The following GLP2R variants were observed in gnomAD, a reference collection of about 807,000 sequenced individuals.
GLP2R encodes glucagon-like peptide 2 receptor.
GLP2R carries 59 observed loss-of-function variants against 68.2 expected under a neutral mutation model. The ratio of observed to expected loss-of-function variants is 0.87; its 90% CI spans 0.70 to 1.07. The LOEUF is 1.07. Ranked by LOEUF, GLP2R falls within the 50% of genes least tolerant of loss-of-function variation. The pLI is 0.00. For missense variants in GLP2R, 548 were observed against 677.4 expected (o/e 0.81, Z 2.12); for synonymous variants, 270 against 265.4 (o/e 1.02, Z -0.17).
In GLP2R at chr17:9,842,529, T is replaced by C. The variant is rs1021750658; in HGVS notation, c.417T>C (p.Ala139=). ...GAAGGGCCTACAGACACTGCTTGGC[T>C]CAGGGGACTTGGCAGACGATAGAGA... ...SSGRAYRHCL[A]QGTWQTIENA... The change falls in exon 4 of 13, where the codon GCT becomes GCC. Residue 139 remains alanine, a synonymous_variant. Transcript: ENST00000262441. 6.2e-7 allele frequency: 1 copy of C among 1,614,008 alleles called. No homozygotes were observed. Among genetic ancestry groups the C allele is most frequent in the African/African-American group, 1.3e-5 (1 of 74,916 alleles).
At chr17:9,854,011 G>T (rs2066914196) in intron 4 of GLP2R, among the ~76,000 whole-genome samples, 1 of 152,206 alleles carries the variant, frequency 6.6e-6, no homozygotes, top group African/African-American at 2.4e-5. Flanking sequence ...CTGGGACTCA[G>T]AGAAAATATT....
At chr17:9,873,577 T>TTTTTTTTTTTTTTTTTTTTTTTG in intron 10 of GLP2R, among the ~76,000 whole-genome samples, 1 of 147,512 alleles carries the variant, frequency 6.8e-6, no homozygotes, top group Non-Finnish European at 1.5e-5. Context: ...TTTTTTTTTT[T>TTTTTTTTTTTTTTTTTTTTTTTG]TTAGCTCATC....
intron 11 of GLP2R, among the ~76,000 whole-genome samples, chr17:9,882,993 A>G (rs867590696): frequency 4.8e-4 from 27 of 56,736 alleles, no homozygotes; most frequent in Middle Eastern, 7.5e-3. Flanking sequence ...ACTCAGGACA[A>G]AAAAAAAAAA....
At chr17:9,878,692 G>T (rs76194458) in intron 10 of GLP2R, among the ~76,000 whole-genome samples, 1 of 152,076 alleles carries the variant, frequency 6.6e-6, no homozygotes, top group African/African-American at 2.4e-5. Context: ...CCCTCTTCTT[G>T]GCTTTAGATC....
At chr17:9,833,732 A>C (rs2066701773) in intron 1 of GLP2R, 75 bp from the exon 2 acceptor site, 1 of 853,064 alleles carries the variant, frequency 1.2e-6, no homozygotes, top group Admixed American at 2.3e-5. Flanking sequence ...AAGGTTGGAG[A>C]ATCATGGTGT....
intron 9 of GLP2R, among the ~76,000 whole-genome samples, chr17:9,870,351 G>T (rs1373634314): frequency 6.6e-6 from 1 of 152,158 alleles, no homozygotes; most frequent in Non-Finnish European, 1.5e-5. Flanking sequence ...AGTACTAAGT[G>T]ATAAGTACTC....
rs2067280018 is a variant in GLP2R, at chr17:9,890,245, C to G, written c.*540C>G. On this transcript the variant is annotated 3_prime_UTR_variant, in exon 13 of 13. Transcript: ENST00000262441. Reference sequence around the variant, plus strand: ...GCTGCAAGCCCACCCTTGGAGAACACTGGGCAGGGTGAGAGGGAGCTAGAA... The same window carrying G: ...GCTGCAAGCCCACCCTTGGAGAACAGTGGGCAGGGTGAGAGGGAGCTAGAA... The G allele has an allele frequency of 5.6e-6, 2 of 359,604 alleles. No homozygotes were observed. The highest frequency in any genetic ancestry group is 1.1e-5 in the Non-Finnish European group (2 of 183,694). 22.3% of individuals were successfully genotyped at this position (359,604 alleles called of 1,614,324 possible). A position where few individuals can be genotyped will look rare whatever the true frequency, so the allele number is the denominator to read the frequency against.
intron 8 of GLP2R, 76 bp from the exon 9 acceptor site, chr17:9,861,945 G>A (rs1027416395): frequency 2.0e-6 from 2 of 993,832 alleles, no homozygotes; most frequent in Middle Eastern, 2.1e-4. Flanking sequence ...CCTTCTTCCA[G>A]AGAGCATGAG....
At chr17:9,835,025 CTTTT>C (rs35950679) in intron 2 of GLP2R, among the ~76,000 whole-genome samples, 3 of 83,180 alleles carry the variant, frequency 3.6e-5, no homozygotes, top group Non-Finnish European at 4.5e-5. Flanking sequence ...GAAACCTGGC[CTTTT>C]TTTTTTTTTT....
chr17:9,860,734 A>G (rs2066980320), intron 7 of GLP2R, among the ~76,000 whole-genome samples: 1 of 152,136 alleles, frequency 6.6e-6, no homozygotes, highest in African/African-American at 2.4e-5. Context: ...CCATAATACC[A>G]GGTCTTCAAG....
rs1268370148 is a variant in GLP2R at position 9,861,182 on chromosome 17, A to G, written c.969A>G (p.Ala323=). 2 of 1,612,288 alleles carry G rather than the reference A, an allele frequency of 1.2e-6. No homozygotes were observed. The change falls in exon 8 of 13, where the codon GCA becomes GCG. Residue 323 remains alanine, a synonymous_variant. Coordinates refer to ENST00000262441, the MANE Select transcript of GLP2R (RefSeq NM_004246.3). ...LFVVPWGFAR[A]HLENTGCWTT... ...TTGTACCCTGGGGTTTCGCCCGTGC[A>G]CACCTGGAGAACACAGGGTAGGTAA...
At chr17:9,843,659 C>T (rs1250015917) in intron 4 of GLP2R, among the ~76,000 whole-genome samples, 1 of 152,234 alleles carries the variant, frequency 6.6e-6, no homozygotes, top group African/African-American at 2.4e-5. Flanking sequence ...TCGTTGGACT[C>T]TTGCTCTTCT....
chr17:9,883,170 A>T (rs2067212504), intron 11 of GLP2R, among the ~76,000 whole-genome samples: 1 of 152,188 alleles, frequency 6.6e-6, no homozygotes. Context: ...AACAATTATA[A>T]AATAAGAACC....
At chr17:9,860,300 G>A (rs921298317) in intron 7 of GLP2R, among the ~76,000 whole-genome samples, 199 bp downstream of exon 7, 2 of 152,340 alleles carry the variant, frequency 1.3e-5, no homozygotes, top group Non-Finnish European at 1.5e-5. Context: ...AGGCCCAACA[G>A]CCCAATGGAC....
At chr17:9,829,063 TA>T (rs2066657558) in intron 1 of GLP2R, among the ~76,000 whole-genome samples, 1 of 152,230 alleles carries the variant, frequency 6.6e-6, no homozygotes, top group Non-Finnish European at 1.5e-5. Flanking sequence ...GCATGGAATA[TA>T]AATGACTGTG....
At chr17:9,827,960 CA>C (rs368157136) in intron 1 of GLP2R, among the ~76,000 whole-genome samples, 1,925 of 73,884 alleles carry the variant, frequency 0.026, 15 homozygotes, top group Middle Eastern at 0.066. Context: ...GGATCTGTCT[CA>C]AAAAAAAAAA....
In GLP2R at chr17:9,890,531, C is replaced by G. The variant is rs888647037; in HGVS notation, c.*826C>G. On this transcript the variant is annotated 3_prime_UTR_variant, in exon 13 of 13. Transcript: ENST00000262441. Reference sequence around the variant, plus strand: ...GGACCCTCTGAATGTCGTCTTTGGTCTGTTCCTCTCCTTTCTGGCTCTATC... The same window carrying G: ...GGACCCTCTGAATGTCGTCTTTGGTGTGTTCCTCTCCTTTCTGGCTCTATC... 2.6e-5 allele frequency: 4 copies of G among 155,488 alleles called. No homozygotes were observed. The highest frequency in any genetic ancestry group is 9.7e-5 in the African/African-American group (4 of 41,450). The allele number at this position is 155,488 out of a possible 1,614,324, so 9.6% of individuals were successfully genotyped here.
At chr17:9,871,721 C>CTTTTTTTTTTTTTT (rs372099240) in intron 10 of GLP2R, among the ~76,000 whole-genome samples, 29 of 102,310 alleles carry the variant, frequency 2.8e-4, no homozygotes, top group African/African-American at 6.4e-4. Flanking sequence ...TACTTTCTTT[C>CTTTTTTTTTTTTTT]TTTTTTTTTT....
chr17:9,839,769 T>A (rs2066768030), intron 3 of GLP2R, among the ~76,000 whole-genome samples: 1 of 152,160 alleles, frequency 6.6e-6, no homozygotes, highest in Non-Finnish European at 1.5e-5. Flanking sequence ...TCCAGCCCAA[T>A]GAGCAACTCC....
Sources: gnomAD v4.1 joint callset for allele counts (sites outside exome capture counted in the v4.1 genomes callset) on GRCh38, gnomAD v4.1.1 for gene constraint, MANE v1.5 for transcripts, NCBI Gene and HGNC (gene_info 2026-07-23, HGNC 2026-07-21) for gene names.